EVA1C: variants seen among roughly 807,000 people sequenced by gnomAD.
EVA1C encodes the protein eva-1 homolog C, also known as protein eva-1 homolog C.
In EVA1C, 25 loss-of-function variants were observed where a neutral mutation model predicts 45.4. The ratio of observed to expected loss-of-function variants is 0.55; its 90% confidence interval spans 0.40 to 0.77. The LOEUF (loss-of-function observed/expected upper bound fraction) is 0.77. EVA1C is among the 30% of genes least tolerant of loss of function. The pLI is 0.00. For synonymous variants in EVA1C, 190 were observed against 221.2 expected (o/e 0.86, Z 1.25); for missense variants, 479 against 554.8 (o/e 0.86, Z 1.37).
intron 4 of EVA1C, among the ~76,000 whole-genome samples, chr21:32,472,718 T>C (rs2036422962): frequency 1.3e-5 from 2 of 151,312 alleles, no homozygotes; most frequent in African/African-American, 2.4e-5. Flanking sequence ...CCATGGAGAG[T>C]GGAGGAATTC....
At chr21:32,475,979 A>G (rs1178168527) in intron 4 of EVA1C, among the ~76,000 whole-genome samples, 1 of 152,070 alleles carries the variant, frequency 6.6e-6, no homozygotes. Context: ...TGGCAGCTTT[A>G]TGTATGATTT....
Position 32,502,029 on chromosome 21 carries a change from TTTCTTTCTTTCTTTCTTTC to T in EVA1C, c.859+537_859+555del, listed in dbSNP as rs1568949822. Among the ~76,000 whole-genome samples, 7 of 132,836 alleles carry T rather than the reference TTTCTTTCTTTCTTTCTTTC, an allele frequency of 5.3e-5. No homozygotes were observed. The Admixed American group carries it at 5.3e-4, about 10-fold the overall frequency. 87.1% of individuals were successfully genotyped at this position (132,836 alleles called of 152,430 possible). ...CTTTCTTTCTTTCTTTCTTTCTTTC[TTTCTTTCTTTCTTTCTTTC>T]TTTCTTCTTTCTTTCTTTCTTCTGT... On this transcript the variant is annotated intron_variant, in intron 6 of 7. Coordinates refer to ENST00000300255, the MANE Select transcript of EVA1C (RefSeq NM_058187.5).
chr21:32,434,102 C>T (rs1023084477), intron 1 of EVA1C, among the ~76,000 whole-genome samples: 1 of 151,912 alleles, frequency 6.6e-6, no homozygotes. Flanking sequence ...CAAGACCAGC[C>T]TGGCCAACAT....
At chr21:32,462,360 C>T (rs2036029173) in intron 3 of EVA1C, among the ~76,000 whole-genome samples, 1 of 152,120 alleles carries the variant, frequency 6.6e-6, no homozygotes, top group Admixed American at 6.5e-5. Context: ...CACCACTGCA[C>T]TCCAACCTAT....
intron 1 of EVA1C, among the ~76,000 whole-genome samples, chr21:32,418,959 T>TC (rs2034157096): frequency 2.8e-3 from 1 of 352 alleles, no homozygotes; most frequent in Non-Finnish European, 6.1e-3. Flanking sequence ...TCTTGCCTAT[T>TC]GGTTTTCCAT....
At chr21:32,433,502 C>G (rs927602106) in intron 1 of EVA1C, among the ~76,000 whole-genome samples, 2 of 152,138 alleles carry the variant, frequency 1.3e-5, no homozygotes, top group Non-Finnish European at 2.9e-5. Flanking sequence ...TTTGTTCCCT[C>G]TCCTTATATT....
intron 4 of EVA1C, among the ~76,000 whole-genome samples, chr21:32,478,788 G>A (rs1309332909): frequency 6.6e-6 from 1 of 152,200 alleles, no homozygotes; most frequent in African/African-American, 2.4e-5. Context: ...ATAATTTCCC[G>A]CTGTGGTTTA....
intron 4 of EVA1C, 115 bp downstream of exon 4, chr21:32,467,963 A>T (rs1474643130): frequency 1.6e-6 from 1 of 642,412 alleles, no homozygotes; most frequent in East Asian, 3.8e-5. Flanking sequence ...AATACTTAAC[A>T]CAATCACGAT....
intron 7 of EVA1C, among the ~76,000 whole-genome samples, chr21:32,514,167 G>A (rs935278338): frequency 6.6e-6 from 1 of 152,148 alleles, no homozygotes; most frequent in Non-Finnish European, 1.5e-5. Flanking sequence ...CTGGGAGTGT[G>A]GGGGAGGGGT....
At chr21:32,477,372 G>A (rs970724551) in intron 4 of EVA1C, among the ~76,000 whole-genome samples, 3 of 152,060 alleles carry the variant, frequency 2.0e-5, no homozygotes, top group Admixed American at 6.5e-5. Flanking sequence ...ATGTGAATTC[G>A]TTTTCTAGTA....
At chr21:32,480,974 AT>A (rs1330577309) in intron 4 of EVA1C, among the ~76,000 whole-genome samples, 5 of 150,354 alleles carry the variant, frequency 3.3e-5, no homozygotes, top group East Asian at 2.0e-4. Flanking sequence ...AAAAAAAAAA[AT>A]AAATAAAAAT....
intron 3 of EVA1C, 63 bp downstream of exon 3, chr21:32,457,783 G>C: frequency 1.3e-6 from 2 of 1,593,288 alleles, no homozygotes; most frequent in Admixed American, 1.7e-5. Context: ...TCACACTCCT[G>C]GTCAAAATTC....
chr21:32,508,616 G>A (rs2037849991), intron 7 of EVA1C, among the ~76,000 whole-genome samples: 1 of 152,314 alleles, frequency 6.6e-6, no homozygotes, highest in Non-Finnish European at 1.5e-5. Flanking sequence ...CATGATAGAA[G>A]GTTTCTGTCA....
intron 7 of EVA1C, among the ~76,000 whole-genome samples, chr21:32,513,551 C>CTTT (rs1165725714): frequency 0.11 from 11,564 of 106,608 alleles, 1,532 homozygotes; most frequent in African/African-American, 0.24. Context: ...TTTTTCTTTT[C>CTTT]TTTTTTTTTT....
Position 32,431,517 on chromosome 21 carries a change from A to G in EVA1C, c.160+18504A>G, listed in dbSNP as rs867704422. 1.1e-4 allele frequency among the ~76,000 whole-genome samples: 17 copies of G among 152,346 alleles called. 2 individuals carry two copies. The Middle Eastern group carries it at 0.031, about 274-fold the overall frequency. The stretch of plus-strand genomic sequence containing the variant: ...CTGCAGTTTCACCCCCAGCTAACTG[A>G]CTATGGATCTCTGGGTTGGGGCCTG... On this transcript the variant is annotated intron_variant, in intron 1 of 7. Transcript: ENST00000300255.
intron 4 of EVA1C, among the ~76,000 whole-genome samples, chr21:32,469,660 C>G (rs1306845256): frequency 6.6e-6 from 1 of 152,162 alleles, no homozygotes; most frequent in Non-Finnish European, 1.5e-5. Flanking sequence ...TAAGGCAGGC[C>G]GGCAGGCTGG....
At chr21:32,501,064 C>T (rs1429134992) in intron 5 of EVA1C, among the ~76,000 whole-genome samples, 20 of 152,160 alleles carry the variant, frequency 1.3e-4, no homozygotes, top group African/African-American at 4.6e-4. Context: ...CTGTCCACCT[C>T]GACCTCCCGA....
intron 4 of EVA1C, among the ~76,000 whole-genome samples, chr21:32,486,379 C>T (rs902484304): frequency 1.3e-5 from 2 of 152,204 alleles, no homozygotes; most frequent in Non-Finnish European, 2.9e-5. Context: ...CCTGCCTCAG[C>T]CCCGCAAAGT....
chr21:32,473,798 A>AG, intron 4 of EVA1C: 4 of 385,820 alleles, frequency 1.0e-5, no homozygotes, highest in Non-Finnish European at 1.4e-5. Context: ...ATCTGAGCCA[A>AG]GGAGAAAATG....
Sources: allele counts gnomAD v4.1 joint callset (sites outside exome capture counted in the v4.1 genomes callset), GRCh38; gene constraint gnomAD v4.1.1; transcripts MANE v1.5; gene names NCBI Gene and HGNC (gene_info 2026-07-23, HGNC 2026-07-21).